The following MRTFB variants were observed in gnomAD, a reference collection of about 807,000 sequenced individuals.
MRTFB encodes the protein myocardin-related transcription factor B.
Under a neutral mutation model 104.2 loss-of-function variants are expected in MRTFB, and 29 were observed. The ratio of observed to expected loss-of-function variants is 0.28; its 90% CI spans 0.21 to 0.38. MRTFB has a LOEUF of 0.38. Ranked by LOEUF, MRTFB falls within the 10% of genes least tolerant of loss-of-function variation. The pLI, the probability that MRTFB is intolerant of heterozygous loss-of-function variation, is 1.00. For synonymous variants in MRTFB, 535 were observed against 519.5 expected (o/e 1.03, Z -0.41); for missense variants, 1,270 against 1,341.6 (o/e 0.95, Z 0.83).
intron 8 of MRTFB, among the ~76,000 whole-genome samples, chr16:14,231,444 T>C (rs565068643): frequency 6.6e-6 from 1 of 152,282 alleles, no homozygotes; most frequent in South Asian, 2.1e-4. Flanking sequence ...ATTCGTAAAT[T>C]GTGTGTCACA....
intron 3 of MRTFB, among the ~76,000 whole-genome samples, chr16:14,155,762 G>A (rs187884698): frequency 1.2e-4 from 19 of 152,208 alleles, no homozygotes; most frequent in Admixed American, 4.6e-4. Flanking sequence ...AACGTTTCCC[G>A]ACCTTGTATG....
intron 3 of MRTFB, among the ~76,000 whole-genome samples, chr16:14,202,041 T>A (rs983491746): frequency 2.6e-5 from 4 of 152,040 alleles, no homozygotes; most frequent in Non-Finnish European, 5.9e-5. Flanking sequence ...TTTGTTTAAT[T>A]GAATAAGTGT....
At chr16:14,113,213 T>G (rs564589963) in intron 2 of MRTFB, among the ~76,000 whole-genome samples, 84 of 152,210 alleles carry the variant, frequency 5.5e-4, no homozygotes, top group Admixed American at 8.5e-4. Flanking sequence ...CCAGCTAATT[T>G]TTGTATTTTT....
intron 3 of MRTFB, among the ~76,000 whole-genome samples, chr16:14,199,328 G>A (rs1246829172): frequency 2.0e-5 from 3 of 152,096 alleles, no homozygotes; most frequent in Admixed American, 6.5e-5. Flanking sequence ...GCTCAGTCCC[G>A]GGCTTTCTTT....
intron 2 of MRTFB, among the ~76,000 whole-genome samples, chr16:14,127,915 ATATATATATATATATTTTTTTTTT>A (rs1180619359): frequency 0.012 from 565 of 48,906 alleles, 8 homozygotes; most frequent in African/African-American, 0.054. Context: ...ATATATATAT[ATATATATATATATATTTTTTTTTT>A]TTTTTTTTTT....
chr16:14,196,964 CTTTTTTT>C (rs35259229), intron 3 of MRTFB, among the ~76,000 whole-genome samples: 28 of 103,178 alleles, frequency 2.7e-4, no homozygotes, highest in Admixed American at 3.9e-4. Flanking sequence ...TCTCTTTTTT[CTTTTTTT>C]TTTTTTTTTT....
chr16:14,253,755 C>T (rs369232494), intron 15 of MRTFB, among the ~76,000 whole-genome samples: 3 of 152,184 alleles, frequency 2.0e-5, no homozygotes, highest in Admixed American at 1.3e-4. Flanking sequence ...TTTGTATTCC[C>T]TGAGTACCGA....
the MRTFB span, among the ~76,000 whole-genome samples, chr16:14,044,147 C>T: frequency 6.6e-6 from 1 of 151,882 alleles, no homozygotes; most frequent in East Asian, 1.9e-4. Flanking sequence ...TTCATTCATT[C>T]AGTCAGTCAG....
the MRTFB span, among the ~76,000 whole-genome samples, chr16:14,058,712 G>GTATTTTT: frequency 3.5e-5 from 3 of 86,846 alleles, no homozygotes; most frequent in African/African-American, 1.3e-4. Context: ...ATTTGTATTT[G>GTATTTTT]TTTTTTTTTT....
intron 2 of MRTFB, among the ~76,000 whole-genome samples, chr16:14,102,794 T>C (rs1341485436): frequency 6.6e-6 from 1 of 152,076 alleles, no homozygotes; most frequent in East Asian, 1.9e-4. Flanking sequence ...TGCCTTGGAG[T>C]TTAATAATAT....
intron 2 of MRTFB, among the ~76,000 whole-genome samples, chr16:14,122,686 A>G (rs1431199710): frequency 6.6e-6 from 1 of 152,148 alleles, no homozygotes; most frequent in East Asian, 1.9e-4. Flanking sequence ...TATCCAGTCT[A>G]TCATTGACGG....
chr16:14,163,358 A>G (rs1212390637), intron 3 of MRTFB, among the ~76,000 whole-genome samples: 3 of 152,210 alleles, frequency 2.0e-5, no homozygotes, highest in Non-Finnish European at 2.9e-5. Flanking sequence ...AGATCAAGTC[A>G]TTGCAGCCTA....
the MRTFB span, among the ~76,000 whole-genome samples, chr16:14,062,975 G>A: frequency 1.3e-5 from 2 of 152,220 alleles, no homozygotes; most frequent in African/African-American, 4.8e-5. Context: ...CCAGGTGACA[G>A]GGCCGACATC....
At chr16:14,015,722 C>A in the MRTFB span, 2 of 387,134 alleles carry the variant, frequency 5.2e-6, no homozygotes, top group Non-Finnish European at 9.1e-6. Flanking sequence ...CACAGCTGAT[C>A]GGTTAATAAT....
chr16:14,240,404 G>A lies in MRTFB; in HGVS notation c.999G>A (p.Gln333=). The change falls in exon 10 of 17, where the codon CAG becomes CAA. Residue 333 remains glutamine (Q), a synonymous_variant. Transcript: ENST00000571589. Reference sequence around the variant, plus strand: ...ACTACGCCCGCCTGCTCCAGCAGCAGCAGCTGTTCCTGCAACTGCAGATCC... The same window carrying A: ...ACTACGCCCGCCTGCTCCAGCAGCAACAGCTGTTCCTGCAACTGCAGATCC... The part of the protein sequence containing the change: ...DSNYARLLQQ[Q]QLFLQLQILS... The A allele has an allele frequency of 6.2e-7, 1 of 1,614,204 alleles. No homozygotes were observed.
intron 8 of MRTFB, 114 bp downstream of exon 8, chr16:14,219,112 T>G: frequency 8.7e-7 from 1 of 1,144,316 alleles, no homozygotes; most frequent in Non-Finnish European, 1.2e-6. Context: ...TTAAATTGAT[T>G]TATTAAGCAA....
intron 3 of MRTFB, among the ~76,000 whole-genome samples, chr16:14,155,647 C>G (rs1389556684): frequency 1.3e-5 from 2 of 152,132 alleles, no homozygotes; most frequent in Non-Finnish European, 2.9e-5. Flanking sequence ...TAGGAAAGAT[C>G]TAGGGTAGCA....
rs560234858 is a variant in MRTFB, at chr16:14,076,310, G to T, written c.-128-2980G>T. On this transcript the variant is annotated intron_variant, in intron 1 of 16. Coordinates refer to ENST00000571589, the MANE Select transcript of MRTFB (RefSeq NM_001308142.2). Reference sequence around the variant, plus strand: ...AGGTTCAAGCGATTCTCCTGCCTCAGCCTCCCAAGTAGCTTGGGACTACAG... The same window carrying T: ...AGGTTCAAGCGATTCTCCTGCCTCATCCTCCCAAGTAGCTTGGGACTACAG... Among the ~76,000 whole-genome samples the T allele has an allele frequency of 3.3e-5, 5 of 152,120 alleles. No individual in the cohort carries two copies. The East Asian group carries it at 9.7e-4, about 29-fold the overall frequency.
chr16:14,205,263 GA>G (rs1597244056), intron 3 of MRTFB, among the ~76,000 whole-genome samples: 2 of 152,012 alleles, frequency 1.3e-5, no homozygotes, highest in East Asian at 3.9e-4. Context: ...TGTGTGAAAA[GA>G]TTTTTTTTAA....
Sources: allele counts gnomAD v4.1 joint callset (sites outside exome capture counted in the v4.1 genomes callset), GRCh38; gene constraint gnomAD v4.1.1; transcripts MANE v1.5; gene names NCBI Gene and HGNC (gene_info 2026-07-23, HGNC 2026-07-21).